The following ZNF846 variants were observed in gnomAD, a reference collection of about 807,000 sequenced individuals.
ZNF846 encodes the protein zinc finger protein 846.
ZNF846 carries 15 observed loss-of-function variants against 16.0 expected under a neutral mutation model. That is an observed-to-expected ratio of 0.94 (90% CI 0.63 to 1.45). ZNF846 has a LOEUF of 1.45. Ranked by LOEUF, ZNF846 falls within the 40% of genes most tolerant of loss-of-function variation. The pLI is 0.00. For synonymous variants in ZNF846, 229 were observed against 212.0 expected, an observed-to-expected ratio of 1.08 and a Z score of -0.70; for missense variants, 714 against 622.3, an observed-to-expected ratio of 1.15 and a Z score of -1.57.
At chr19:9,752,725 C>G (rs763827130), downstream of ZNF846, among the ~76,000 whole-genome samples, 5 of 143,992 alleles carry the variant, frequency 3.5e-5, no homozygotes, top group Non-Finnish European at 7.5e-5. Flanking sequence ...AAGCTTTTTG[C>G]TTATCTCATA....
Position 9,768,614 on chromosome 19 carries a change from T to A in ZNF846, c.-411A>T, listed in dbSNP as rs1166206348. On this transcript the variant is annotated 5_prime_UTR_variant, in exon 1 of 6. It removes the in-frame stop codon of an upstream open reading frame in the 5' UTR. Coordinates refer to ENST00000397902, the Ensembl canonical transcript of ZNF846. The stretch of plus-strand genomic sequence containing the variant: ...TCAGACCTAGCAGAAGTCCGGAGCG[T>A]CACCCTCCGACCCTCGCTCCGCCTC... 6.6e-6 allele frequency: 1 copy of A among 152,132 alleles called. No homozygotes were observed. Among genetic ancestry groups the A allele is most frequent in the Non-Finnish European group, 1.5e-5 (1 of 68,056 alleles). The allele number at this position is 152,132 out of a possible 1,614,324, so 9.4% of individuals were successfully genotyped here.
At chr19:9,748,901 T>G (rs1448574592), downstream of ZNF846, among the ~76,000 whole-genome samples, 1 of 152,152 alleles carries the variant, frequency 6.6e-6, no homozygotes, top group Non-Finnish European at 1.5e-5. Context: ...TTCACCAGCC[T>G]GCTAATCTTC....
At chr19:9,750,928 A>G (rs2045078661), downstream of ZNF846, among the ~76,000 whole-genome samples, 2 of 152,198 alleles carry the variant, frequency 1.3e-5, no homozygotes, top group Admixed American at 6.5e-5. Flanking sequence ...TTTCTTAATG[A>G]AGAGTGTTTG....
exon 6 of ZNF846, chr19:9,752,181 C>T (rs1179179653): frequency 6.3e-6 from 1 of 158,384 alleles, no homozygotes; most frequent in Non-Finnish European, 1.4e-5. Context: ...GTCTAGTTGT[C>T]TGTGTACAAT....
intron 1 of ZNF846, among the ~76,000 whole-genome samples, chr19:9,781,983 GC>G (rs2045506476): frequency 6.6e-6 from 1 of 151,868 alleles, no homozygotes; most frequent in South Asian, 2.1e-4. Context: ...CACCATGTTG[GC>G]CAAGCTGGTC....
At chr19:9,759,270 T>C (rs1423458381) in intron 5 of ZNF846, among the ~76,000 whole-genome samples, 1 of 151,620 alleles carries the variant, frequency 6.6e-6, no homozygotes, top group Non-Finnish European at 1.5e-5. Flanking sequence ...AGTGCTGGGA[T>C]TACAGGCATT....
chr19:9,781,159 G>A (rs1239251565), intron 1 of ZNF846, among the ~76,000 whole-genome samples: 3 of 152,064 alleles, frequency 2.0e-5, no homozygotes, highest in Non-Finnish European at 4.4e-5. Flanking sequence ...TTTGTTTTGA[G>A]ATGGAATCTC....
chr19:9,749,937 C>G (rs1237733765), downstream of ZNF846, among the ~76,000 whole-genome samples: 1 of 152,098 alleles, frequency 6.6e-6, no homozygotes. Flanking sequence ...CTCTTTATGT[C>G]AATTCCACTC....
At chr19:9,773,460 C>T (rs1320086845), upstream of ZNF846, among the ~76,000 whole-genome samples, 1 of 152,056 alleles carries the variant, frequency 6.6e-6, no homozygotes, top group Non-Finnish European at 1.5e-5. Context: ...TTAGCTAATA[C>T]AATTCAGTAA....
exon 6 of ZNF846, chr19:9,758,675 TATC>T: frequency 6.2e-7 from 1 of 1,612,682 alleles, no homozygotes; most frequent in African/African-American, 1.3e-5. Flanking sequence ...CAATGTGAGT[TATC>T]ATGTGAGTCA....
At chr19:9,748,637 G>C (rs1394086357), downstream of ZNF846, among the ~76,000 whole-genome samples, 2 of 152,086 alleles carry the variant, frequency 1.3e-5, no homozygotes, top group African/African-American at 2.4e-5. Flanking sequence ...TGTTCCATTG[G>C]TCTATATCTC....
At position 9,765,036 on chromosome 19, in the gene ZNF846, C is replaced by T. The variant is rs538293346; in HGVS notation, c.-85-1G>A. ...CAGAAAGTGTCCTGGAAAAAATGAC[C>T]TTTGGAAAAGAATAATGGCATGTCA... On this transcript the variant is annotated splice_acceptor_variant, in intron 1 of 5. Coordinates refer to ENST00000397902, the Ensembl canonical transcript of ZNF846. LOFTEE classifies it low-confidence loss of function (5UTR_SPLICE). 4 of 1,489,810 alleles carry T rather than the reference C, an allele frequency of 2.7e-6. No individual in the cohort carries two copies. The Admixed American group carries it at 5.0e-5, about 19-fold the overall frequency. 92.3% of individuals were successfully genotyped at this position (1,489,810 alleles called of 1,614,324 possible). A position where few individuals can be genotyped will look rare whatever the true frequency, so the allele number is the denominator to read the frequency against.
chr19:9,754,888 G>A (rs1307683035), downstream of ZNF846, among the ~76,000 whole-genome samples: 5 of 148,912 alleles, frequency 3.4e-5, no homozygotes, highest in Non-Finnish European at 3.0e-5. Context: ...TTTTTGAGAT[G>A]GAGTATCACT....
chr19:9,769,140 A>G (rs1180699129), upstream of ZNF846, among the ~76,000 whole-genome samples: 1 of 152,120 alleles, frequency 6.6e-6, no homozygotes, highest in Non-Finnish European at 1.5e-5. Context: ...GCTGGAGTGC[A>G]GTGGCTCGGT....
chr19:9,783,441 G>A (rs1234513209), intron 1 of ZNF846, among the ~76,000 whole-genome samples: 1 of 146,180 alleles, frequency 6.8e-6, no homozygotes, highest in African/African-American at 2.5e-5. Context: ...TGTTGGCCAG[G>A]AGTTCAAGGC....
chr19:9,756,345 G>GTATGTATATATA (rs1555711381), downstream of ZNF846: 1 of 81,772 alleles, frequency 1.2e-5, no homozygotes, highest in South Asian at 4.7e-4. Flanking sequence ...GTGTGTGTGT[G>GTATGTATATATA]TATATATATA....
intron 1 of ZNF846, among the ~76,000 whole-genome samples, chr19:9,775,213 G>A (rs148916554): frequency 0.01 from 1,528 of 150,562 alleles, 17 homozygotes; most frequent in African/African-American, 0.03. Context: ...GTGTGTGTGT[G>A]TATATATATA....
chr19:9,782,687 G>A (rs1040261508), intron 1 of ZNF846, among the ~76,000 whole-genome samples: 4 of 152,130 alleles, frequency 2.6e-5, no homozygotes, highest in Non-Finnish European at 4.4e-5. Context: ...TACATGAGTA[G>A]GAAATTAACT....
At chr19:9,748,846 C>A (rs1468306939), downstream of ZNF846, among the ~76,000 whole-genome samples, 1 of 152,108 alleles carries the variant, frequency 6.6e-6, no homozygotes, top group Non-Finnish European at 1.5e-5. Flanking sequence ...GACACCAGCC[C>A]TCTAGGCGAC....
Sources: allele counts gnomAD v4.1 joint callset (sites outside exome capture counted in the v4.1 genomes callset), GRCh38; gene constraint gnomAD v4.1.1; transcripts MANE v1.5; gene names NCBI Gene and HGNC (gene_info 2026-07-23, HGNC 2026-07-21).